The following IL12RB2 variants were observed in gnomAD, a reference collection of about 807,000 sequenced individuals.
IL12RB2 encodes the protein interleukin 12 receptor subunit beta 2.
In IL12RB2, 82 loss-of-function variants were observed where a neutral mutation model predicts 89.4. The ratio of observed to expected loss-of-function variants is 0.92; its 90% CI spans 0.77 to 1.10. The LOEUF (loss-of-function observed/expected upper bound fraction) is 1.10. Ranked by LOEUF, IL12RB2 falls within the 50% of genes least tolerant of loss-of-function variation. The probability of loss-of-function intolerance (pLI) is 0.00; values close to 1 mark genes in which losing one functional copy is unlikely to be tolerated. For synonymous variants in IL12RB2, 368 were observed against 370.1 expected (o/e 0.99, Z 0.07); for missense variants, 963 against 1,031.9 (o/e 0.93, Z 0.92).
intron 16 of IL12RB2, among the ~76,000 whole-genome samples, chr1:67,393,448 C>T (rs1022548843): frequency 2.6e-5 from 4 of 152,178 alleles, no homozygotes; most frequent in Admixed American, 1.3e-4. Context: ...CTTGTGAAAA[C>T]GACAAGCCAT....
At chr1:67,337,660 G>A (rs1335094738) in intron 8 of IL12RB2, among the ~76,000 whole-genome samples, 1 of 152,104 alleles carries the variant, frequency 6.6e-6, no homozygotes, top group African/African-American at 2.4e-5. Flanking sequence ...CAATTATTAG[G>A]AGCCTATTAT....
intron 8 of IL12RB2, among the ~76,000 whole-genome samples, chr1:67,337,914 A>AG (rs765544758): frequency 2.3e-5 from 3 of 132,356 alleles, no homozygotes; most frequent in Non-Finnish European, 4.9e-5. Flanking sequence ...AAAAAAAAAA[A>AG]AAAGAAAAGA....
intron 1 of IL12RB2, among the ~76,000 whole-genome samples, chr1:67,310,184 CAAAAAAAAA>C (rs890229904): frequency 1.9e-4 from 7 of 36,748 alleles, no homozygotes; most frequent in African/African-American, 4.8e-4. Context: ...AACTTCATCT[CAAAAAAAAA>C]AAAAAAAAAA....
chr1:67,392,946 G>A (rs1665988707), intron 16 of IL12RB2, among the ~76,000 whole-genome samples: 1 of 152,074 alleles, frequency 6.6e-6, no homozygotes, highest in Admixed American at 6.5e-5. Flanking sequence ...AGAAAACTGT[G>A]TGCATATAAT....
At chr1:67,326,927 A>C (rs948673155) in intron 5 of IL12RB2, 78 bp downstream of exon 5, 28 of 1,036,570 alleles carry the variant, frequency 2.7e-5, no homozygotes, top group Non-Finnish European at 3.3e-5. Flanking sequence ...TGTTTTCTTT[A>C]TTTATTTTTA....
chr1:67,362,562 G>A (rs17425617), intron 10 of IL12RB2, among the ~76,000 whole-genome samples: 2,454 of 109,148 alleles, frequency 0.022, 30 homozygotes, highest in Non-Finnish European at 0.031. Context: ...GACAGAGCGA[G>A]ACTCCGTCTC....
At chr1:67,345,223 G>C (rs1383009792) in intron 9 of IL12RB2, among the ~76,000 whole-genome samples, 1 of 152,178 alleles carries the variant, frequency 6.6e-6, no homozygotes, top group Non-Finnish European at 1.5e-5. Flanking sequence ...AAAAGATTTA[G>C]TGTTTTTTAT....
intron 9 of IL12RB2, among the ~76,000 whole-genome samples, chr1:67,350,254 C>T (rs1346015837): frequency 2.0e-5 from 3 of 152,264 alleles, no homozygotes; most frequent in African/African-American, 7.2e-5. Flanking sequence ...TCTGGGATTG[C>T]TCCCAAATGA....
At chr1:67,393,600 C>G (rs528667155) in intron 16 of IL12RB2, among the ~76,000 whole-genome samples, 1 of 152,188 alleles carries the variant, frequency 6.6e-6, no homozygotes, top group South Asian at 2.1e-4. Flanking sequence ...GCAGTCTCCC[C>G]GAAGTGAAAC....
intron 3 of IL12RB2, among the ~76,000 whole-genome samples, chr1:67,320,715 T>C (rs1656375407): frequency 6.6e-6 from 1 of 152,214 alleles, no homozygotes. Context: ...TGTTTTACAT[T>C]TCAGCACATT....
intron 2 of IL12RB2, among the ~76,000 whole-genome samples, chr1:67,316,799 C>T (rs1235085889): frequency 1.3e-5 from 2 of 152,210 alleles, no homozygotes; most frequent in Non-Finnish European, 2.9e-5. Flanking sequence ...AGCTTCGCCT[C>T]CTGCAAACGC....
chr1:67,338,584 A>C, intron 8 of IL12RB2, 40 bp from the exon 9 acceptor site: 1 of 936,708 alleles, frequency 1.1e-6, no homozygotes, highest in South Asian at 1.3e-5. Flanking sequence ...TCAAAGTAGT[A>C]AATATATGAA....
intron 8 of IL12RB2, among the ~76,000 whole-genome samples, chr1:67,337,248 C>T (rs948719045): frequency 6.6e-6 from 1 of 152,120 alleles, no homozygotes; most frequent in African/African-American, 2.4e-5. Context: ...TTAGATGGAA[C>T]TTTCTAACCT....
At chr1:67,387,910 G>T (rs1270716694) in intron 15 of IL12RB2, among the ~76,000 whole-genome samples, 2 of 152,076 alleles carry the variant, frequency 1.3e-5, no homozygotes, top group Non-Finnish European at 2.9e-5. Context: ...GGGCGCCGGG[G>T]CTCATGCCTG....
In IL12RB2 at chr1:67,380,218, T is replaced by A. The variant is rs1664431515; in HGVS notation, c.1855+95T>A. On this transcript the variant is annotated intron_variant, in intron 14 of 16. Transcript: ENST00000674203. ...TGGTATAGAGATAATCAGATTTTCT[T>A]TAATTCACTAAAAACTTTCTTGCTG... 7.3e-6 allele frequency: 10 copies of A among 1,364,862 alleles called. No individual in the cohort carries two copies. In the South Asian group the frequency reaches 1.1e-4, roughly 15 times the overall value. 84.5% of individuals were successfully genotyped at this position (1,364,862 alleles called of 1,614,324 possible).
chr1:67,332,211 T>C lies in IL12RB2; in HGVS notation c.958+1401T>C, dbSNP rs1383662545. The stretch of plus-strand genomic sequence containing the variant: ...TTATATTCTTCCTTACTTCTTGTAT[T>C]AATTGCATTTTTTTTTTTTTTTGAG... On this transcript the variant is annotated intron_variant, in intron 8 of 16. Transcript: ENST00000674203. 1.4e-4 allele frequency among the ~76,000 whole-genome samples: 17 copies of C among 117,950 alleles called. No homozygotes were observed. In the Admixed American group the frequency reaches 1.8e-3, roughly 13 times the overall value. 77.4% of individuals were successfully genotyped at this position (117,950 alleles called of 152,430 possible). A position where few individuals can be genotyped will look rare whatever the true frequency, so the allele number is the denominator to read the frequency against.
At position 67,398,194 on chromosome 1, in the gene IL12RB2, T is replaced by G. The variant is rs1379004368; in HGVS notation, c.*2105T>G. On this transcript the variant is annotated 3_prime_UTR_variant, in exon 17 of 17. Coordinates refer to ENST00000674203, the MANE Select transcript of IL12RB2 (RefSeq NM_001374259.2). ...GCTTGCCTGTACCCAGGACATGCCC[T>G]TGACTGGCACAAACCGTGACAGACA... 6.6e-6 allele frequency among the ~76,000 whole-genome samples: 1 copy of G among 152,128 alleles called. No individual in the cohort carries two copies. Among genetic ancestry groups the G allele is most frequent in the East Asian group, 1.9e-4 (1 of 5,200 alleles).
chr1:67,330,593 T>C (rs1657941816), intron 7 of IL12RB2, 67 bp from the exon 8 acceptor site: 2 of 807,630 alleles, frequency 2.5e-6, no homozygotes, highest in Non-Finnish European at 4.3e-6. Flanking sequence ...TTTTTCATTT[T>C]ATGTTAAAAT....
chr1:67,338,589 T>C (rs750094276), intron 8 of IL12RB2, 35 bp from the exon 9 acceptor site: 44 of 984,354 alleles, frequency 4.5e-5, no homozygotes, highest in Non-Finnish European at 5.0e-6. Flanking sequence ...GTAGTAAATA[T>C]ATGAAAATAT....
Sources: gnomAD v4.1 joint callset for allele counts (sites outside exome capture counted in the v4.1 genomes callset) on GRCh38, gnomAD v4.1.1 for gene constraint, MANE v1.5 for transcripts, NCBI Gene and HGNC (gene_info 2026-07-23, HGNC 2026-07-21) for gene names.